Variants in CNMD observed in about 807,000 individuals in gnomAD.
The protein encoded by CNMD is leukocyte cell-derived chemotaxin 1.
CNMD carries 30 observed loss-of-function variants against 37.5 expected under a neutral mutation model. That is an observed-to-expected ratio of 0.80 (90% CI 0.60 to 1.09). The LOEUF is 1.09. CNMD is among the 50% of genes least tolerant of loss of function. The probability of loss-of-function intolerance (pLI) is 0.00; values close to 1 mark genes in which losing one functional copy is unlikely to be tolerated. For missense variants in CNMD, 398 were observed against 423.9 expected (o/e 0.94, Z 0.54); for synonymous variants, 167 against 148.2 (o/e 1.13, Z -0.92).
chr13:52,723,941 G>T, intron 4 of CNMD, 56 bp downstream of exon 4: 1 of 1,072,454 alleles, frequency 9.3e-7, no homozygotes, highest in Non-Finnish European at 1.4e-6. Context: ...AAAGGGTTGT[G>T]CCTTCAAACA....
Position 52,708,545 on chromosome 13 carries a change from A to T in CNMD, c.780T>A (p.Asn260Lys), listed in dbSNP as rs190551394. 1.9e-6 allele frequency: 3 copies of T among 1,609,284 alleles called. No homozygotes were observed. The Admixed American group carries it at 5.1e-5, about 27-fold the overall frequency. Reference sequence around the variant, plus strand: ...AAGCACCGGAACGCACATGATAAGGATTATCAGGATTGAAGGCTTGTGAGT... The same window carrying T: ...AAGCACCGGAACGCACATGATAAGGTTTATCAGGATTGAAGGCTTGTGAGT... ...QEDSQAFNPD[N>K]PYHQQEGESM... is the part of the protein sequence containing the mutation. Residue 260 changes from asparagine to lysine, a missense_variant, in exon 6 of 7, where the codon AAT (asparagine) becomes AAA (lysine). Transcript: ENST00000377962.
At position 52,737,580 on chromosome 13, in the gene CNMD, T is replaced by C. The variant is rs146251846; in HGVS notation, c.213+1451A>G. ...TTACCTTGAATAATTAAATGACAAA[T>C]GGTATTCATTTTAAAATATATCATG... On this transcript the variant is annotated intron_variant, in intron 2 of 6. Coordinates refer to ENST00000377962, the MANE Select transcript of CNMD (RefSeq NM_007015.3). Among the ~76,000 whole-genome samples the C allele has an allele frequency of 5.0e-4, 76 of 152,352 alleles. No individual in the cohort carries two copies. In the Middle Eastern group the frequency reaches 0.024, roughly 48 times the overall value.
intron 4 of CNMD, among the ~76,000 whole-genome samples, chr13:52,722,464 A>G (rs368941055): frequency 7.9e-5 from 12 of 152,244 alleles, no homozygotes; most frequent in Non-Finnish European, 1.5e-4. Context: ...ATTAACAACA[A>G]TGAGCAGCAG....
At chr13:52,725,231 G>T (rs1282257602) in intron 3 of CNMD, among the ~76,000 whole-genome samples, 1 of 152,166 alleles carries the variant, frequency 6.6e-6, no homozygotes, top group Admixed American at 6.5e-5. Context: ...TTAGTTATAA[G>T]CTTCTTGAGA....
Position 52,739,789 on chromosome 13 carries a change from G to A in CNMD, c.-88C>T. The stretch of plus-strand genomic sequence containing the variant: ...GCCCCGACGTGCAGGGCATTTCAAC[G>A]CCGCGCGCACACACGGTGCACGGTC... On this transcript the variant is annotated 5_prime_UTR_variant, in exon 1 of 7. Coordinates refer to ENST00000377962, the MANE Select transcript of CNMD (RefSeq NM_007015.3). This position sits in a 1 kb window ranked among gnomAD's most constrained non-coding sequence, Gnocchi z 5.4. 2 of 1,173,962 alleles carry A rather than the reference G, an allele frequency of 1.7e-6. No homozygotes were observed. The highest frequency in any genetic ancestry group is 1.8e-5 in the Admixed American group (1 of 54,280). 72.7% of individuals were successfully genotyped at this position (1,173,962 alleles called of 1,614,324 possible).
chr13:52,708,562 C>T lies in CNMD; in HGVS notation c.763G>A (p.Ala255Thr). 1 of 1,612,938 alleles carries T rather than the reference C, an allele frequency of 6.2e-7. No homozygotes were observed. Among genetic ancestry groups the T allele is most frequent in the Non-Finnish European group, 8.5e-7 (1 of 1,179,710 alleles). Residue 255 changes from alanine to threonine, a missense_variant, in exon 6 of 7, where the codon GCC becomes ACC. Physicochemically the swap from Ala to Thr is moderately conservative, Grantham distance 58 (BLOSUM62 0). Coordinates refer to ENST00000377962, the MANE Select transcript of CNMD (RefSeq NM_007015.3). Reference sequence around the variant, plus strand: ...TGATAAGGATTATCAGGATTGAAGGCTTGTGAGTCCTCTTGAACACTGGGT... The same window carrying T: ...TGATAAGGATTATCAGGATTGAAGGTTTGTGAGTCCTCTTGAACACTGGGT... ...TRPSVQEDSQ[A>T]FNPDNPYHQQ...
chr13:52,708,507 T>C (rs368497773), intron 6 of CNMD, 29 bp downstream of exon 6: 61 of 1,598,388 alleles, frequency 3.8e-5, no homozygotes, highest in Non-Finnish European at 4.8e-5. Context: ...TGCATTTGTC[T>C]AATCATGTCA....
rs1199401467 is a variant in CNMD at position 52,739,628 on chromosome 13, AC to A, written c.72+1del. 2 of 1,613,232 alleles carry A rather than the reference AC, an allele frequency of 1.2e-6. No individual in the cohort carries two copies. Among genetic ancestry groups the A allele is most frequent in the East Asian group, 2.2e-5 (1 of 44,868 alleles). ...GCGTGTGGAATCCCTGGCGGTACTC[AC>A]CGGGGGGCTGCAGAATTCCACGTCA... On this transcript the variant is annotated splice_donor_variant, in intron 1 of 6. Transcript: ENST00000377962. LOFTEE classifies it high-confidence loss of function. The surrounding 1 kb of genome is among the most constrained non-coding windows in gnomAD (Gnocchi z 5.4).
At chr13:52,714,459 AAC>A (rs752579047) in intron 4 of CNMD, among the ~76,000 whole-genome samples, 1 of 152,188 alleles carries the variant, frequency 6.6e-6, no homozygotes. Context: ...AAACAACTAA[AAC>A]ACAGGACAAA....
In CNMD at chr13:52,739,168, A is replaced by C; in HGVS notation, c.76T>G (p.Tyr26Asp). The change falls in exon 2 of 7, where the codon TAC becomes GAC. Residue 26 changes from tyrosine to aspartate, a missense_variant. By Grantham distance (160) the Tyr-to-Asp change is radical. Coordinates refer to ENST00000377962, the MANE Select transcript of CNMD (RefSeq NM_007015.3). This position sits in a 1 kb window ranked among gnomAD's most constrained non-coding sequence, Gnocchi z 5.4. The part of the protein sequence containing the change: ...DDVEFCSPPA[Y>D]ATLTVKPSSP... ...GAGGGCTTCACCGTCAGCGTAGCGT[A>C]CGCCTGCGGGCCGGGGCGGGAGAGG... 4 of 1,492,540 alleles carry C rather than the reference A, an allele frequency of 2.7e-6. No homozygotes were observed. Among genetic ancestry groups the C allele is most frequent in the Non-Finnish European group, 3.5e-6 (4 of 1,127,634 alleles). 92.5% of individuals were successfully genotyped at this position (1,492,540 alleles called of 1,614,324 possible).
chr13:52,725,406 T>A (rs535607217), intron 3 of CNMD, among the ~76,000 whole-genome samples: 18 of 152,194 alleles, frequency 1.2e-4, no homozygotes, highest in African/African-American at 4.3e-4. Context: ...ACTTTCCTTC[T>A]ATACCTTACC....
At chr13:52,736,293 C>T (rs1055980041) in intron 2 of CNMD, among the ~76,000 whole-genome samples, 1 of 152,188 alleles carries the variant, frequency 6.6e-6, no homozygotes, top group East Asian at 1.9e-4. Context: ...CGCGCCCGGC[C>T]TTTATTTGCA....
At chr13:52,721,070 C>T (rs899602392) in intron 4 of CNMD, among the ~76,000 whole-genome samples, 11 of 152,124 alleles carry the variant, frequency 7.2e-5, no homozygotes, top group Admixed American at 1.3e-4. Flanking sequence ...CCACCCAGTT[C>T]GGACTTCCTG....
At chr13:52,736,475 A>G (rs893725839) in intron 2 of CNMD, among the ~76,000 whole-genome samples, 2 of 152,160 alleles carry the variant, frequency 1.3e-5, no homozygotes, top group Non-Finnish European at 2.9e-5. Context: ...TGGGGACAGC[A>G]GTGAAGCTGT....
chr13:52,714,278 C>G lies in CNMD; in HGVS notation c.469-1409G>C, dbSNP rs1002458018. ...GAAATGCTGGCCACCGAGCCAATGC[C>G]TGCAGCCACCTGCCTCCACATTGCT... is the stretch of plus-strand genomic sequence containing the variant. On this transcript the variant is annotated intron_variant, in intron 4 of 6. Transcript: ENST00000377962. 5.3e-5 allele frequency among the ~76,000 whole-genome samples: 8 copies of G among 152,300 alleles called. 1 individual carries two copies. Among genetic ancestry groups the G allele is most frequent in the Non-Finnish European group, 8.8e-5 (6 of 68,028 alleles).
chr13:52,707,886 T>G (rs1964213504), intron 6 of CNMD, among the ~76,000 whole-genome samples: 2 of 151,686 alleles, frequency 1.3e-5, no homozygotes, highest in South Asian at 4.2e-4. Context: ...GGCAGGTGGA[T>G]CACCTGAGGC....
chr13:52,707,447 G>A (rs187224756), intron 6 of CNMD, among the ~76,000 whole-genome samples: 352 of 151,196 alleles, frequency 2.3e-3, no homozygotes, highest in African/African-American at 7.9e-3. Context: ...ACTTTTCAGT[G>A]TTTCAGCCTA....
chr13:52,728,340 T>C (rs1285108215), intron 3 of CNMD, among the ~76,000 whole-genome samples: 1 of 150,800 alleles, frequency 6.6e-6, no homozygotes, highest in Non-Finnish European at 1.5e-5. Flanking sequence ...ATTGCACCAC[T>C]GCACTGCAGC....
chr13:52,738,946 C>T, intron 2 of CNMD, 85 bp downstream of exon 2: 4 of 1,275,346 alleles, frequency 3.1e-6, no homozygotes, highest in Non-Finnish European at 4.0e-6. Context: ...GGCAGCCGCG[C>T]GCCCCTCGCC....
Sources: gnomAD v4.1 joint callset for allele counts (sites outside exome capture counted in the v4.1 genomes callset) on GRCh38, gnomAD v4.1.1 for gene constraint, Gnocchi (gnomAD v3.1) non-coding constraint, MANE v1.5 for transcripts, NCBI Gene and HGNC (gene_info 2026-07-23, HGNC 2026-07-21) for gene names.